KIF5B: variants seen among roughly 807,000 people sequenced by gnomAD.
The protein encoded by KIF5B is kinesin family member 5B.
Under a neutral mutation model 132.8 loss-of-function variants are expected in KIF5B, and 49 were observed. The observed-to-expected ratio is 0.37, with a 90% CI of 0.29 to 0.47. KIF5B has a LOEUF of 0.47. Ranked by LOEUF, KIF5B falls within the 20% of genes least tolerant of loss-of-function variation. The pLI is 1.00. For missense variants in KIF5B, 780 were observed against 1,144.0 expected, an observed-to-expected ratio of 0.68 and a Z score of 4.59; for synonymous variants, 355 against 369.4, an observed-to-expected ratio of 0.96 and a Z score of 0.45.
At chr10:32,033,520 T>A (rs2132600283) in intron 12 of KIF5B, among the ~76,000 whole-genome samples, 1 of 152,196 alleles carries the variant, frequency 6.6e-6, no homozygotes, top group African/African-American at 2.4e-5. Flanking sequence ...CAAAACCATC[T>A]CCCCGACCTG....
chr10:32,037,109 G>A (rs172431), intron 8 of KIF5B, 145 bp downstream of exon 8: 142,744 of 661,364 alleles, frequency 0.22, 16,938 homozygotes, highest in Middle Eastern at 0.29. Context: ...ATCATCATAA[G>A]GCACTGGCAT....
chr10:32,020,349 A>C (rs1841242142), intron 19 of KIF5B, among the ~76,000 whole-genome samples: 1 of 152,128 alleles, frequency 6.6e-6, no homozygotes, highest in South Asian at 2.1e-4. Flanking sequence ...GGAGGCAGGG[A>C]AATTGCTTCT....
intron 11 of KIF5B, 129 bp from the exon 12 acceptor site, chr10:32,034,167 G>A (rs1841435954): frequency 1.7e-5 from 10 of 585,296 alleles, no homozygotes; most frequent in South Asian, 7.2e-5. Flanking sequence ...CTGGAGTGCA[G>A]TGGTGCAATC....
In KIF5B at chr10:32,021,026, G is replaced by T; in HGVS notation, c.2200C>A (p.Gln734Lys). 6.4e-7 allele frequency: 1 copy of T among 1,550,476 alleles called. No homozygotes were observed. Among genetic ancestry groups the T allele is most frequent in the South Asian group, 1.1e-5 (1 of 89,756 alleles). Residue 734 changes from glutamine (Q) to lysine (K), a missense_variant, in exon 19 of 26, where the codon CAA (glutamine) becomes AAA (lysine). Around this residue, in one of 9 missense-constraint regions of KIF5B, gnomAD observed 471 missense variants for 569.9 expected, o/e 0.83. Transcript: ENST00000302418. Reference protein sequence around the residue: ...EAKAKLITDLQDQNQKMMLEQ... With the variant: ...EAKAKLITDLKDQNQKMMLEQ... Reference sequence around the variant, plus strand: ...CTAGAGAAGTATAATACTTACTCTTGAAGATCAGTAATAAGTTTTGCTTTT... The same window carrying T: ...CTAGAGAAGTATAATACTTACTCTTTAAGATCAGTAATAAGTTTTGCTTTT...
At chr10:32,051,322 G>T (rs1841691545) in intron 1 of KIF5B, among the ~76,000 whole-genome samples, 2 of 152,138 alleles carry the variant, frequency 1.3e-5, no homozygotes, top group Admixed American at 1.3e-4. Flanking sequence ...GCCTCCCAAA[G>T]TGCTGGGATT....
At chr10:32,042,233 G>C (rs211283) in intron 2 of KIF5B, among the ~76,000 whole-genome samples, 30,785 of 152,036 alleles carry the variant, frequency 0.2, 3,341 homozygotes, top group Non-Finnish European at 0.24. Flanking sequence ...GCACAACTAA[G>C]TGGATAACAG....
At chr10:32,022,298 G>T in intron 16 of KIF5B, 41 bp from the exon 17 acceptor site, 4 of 909,670 alleles carry the variant, frequency 4.4e-6, no homozygotes, top group Non-Finnish European at 7.2e-6. Flanking sequence ...GAAAACATAT[G>T]CATACACTTT....
chr10:32,056,100 G>A lies in KIF5B; in HGVS notation c.-127C>T. The stretch of plus-strand genomic sequence containing the variant: ...AGGCAGCAGTCAGCTGCGCCGCGCT[G>A]CGCTTCCCCGGGTGGAGGCGGCCGG... On this transcript the variant is annotated 5_prime_UTR_variant, in exon 1 of 26. Coordinates refer to ENST00000302418, the MANE Select transcript of KIF5B (RefSeq NM_004521.3). 1 of 1,229,290 alleles carries A rather than the reference G, an allele frequency of 8.1e-7. No individual in the cohort carries two copies. The highest frequency in any genetic ancestry group is 2.8e-5 in the Admixed American group (1 of 36,306). The allele number at this position is 1,229,290 out of a possible 1,614,324, so 76.1% of individuals were successfully genotyped here. A position where few individuals can be genotyped will look rare whatever the true frequency, so the allele number is the denominator to read the frequency against.
intron 20 of KIF5B, 95 bp downstream of exon 20, chr10:32,019,763 T>C: frequency 1.3e-6 from 1 of 772,394 alleles, no homozygotes; most frequent in Non-Finnish European, 2.1e-6. Flanking sequence ...CCATACAAAG[T>C]AAAATATGTA....
chr10:32,020,985 G>A (rs777858075), intron 19 of KIF5B, 37 bp downstream of exon 19: 10 of 1,155,946 alleles, frequency 8.7e-6, no homozygotes, highest in African/African-American at 7.6e-5. Flanking sequence ...ATCAGTAACC[G>A]ATTCTTTCCT....
intron 12 of KIF5B, among the ~76,000 whole-genome samples, chr10:32,033,227 T>C (rs972163282): frequency 6.6e-6 from 1 of 152,198 alleles, no homozygotes; most frequent in African/African-American, 2.4e-5. Flanking sequence ...TAACAATTGG[T>C]ATCATTGAGG....
intron 25 of KIF5B, 139 bp from the exon 26 acceptor site, chr10:32,011,655 C>T (rs1340698247): frequency 6.6e-6 from 1 of 152,092 alleles, no homozygotes; most frequent in Non-Finnish European, 1.5e-5. Flanking sequence ...TGGCTACTTT[C>T]CCCAAAATTA....
chr10:32,019,492 G>C (rs1353853550), intron 20 of KIF5B, among the ~76,000 whole-genome samples: 1 of 152,182 alleles, frequency 6.6e-6, no homozygotes, highest in Non-Finnish European at 1.5e-5. Flanking sequence ...TTATGCAAGA[G>C]AAAATTTAAC....
intron 5 of KIF5B, 97 bp from the exon 6 acceptor site, chr10:32,038,315 T>A: frequency 1.2e-6 from 1 of 800,790 alleles, no homozygotes. Flanking sequence ...CTAACAGCAA[T>A]AGTTGAACTC....
At position 32,022,862 on chromosome 10, in the gene KIF5B, G is replaced by A. The variant is rs759351320; in HGVS notation, c.1900C>T (p.Leu634Phe). 6.2e-7 allele frequency: 1 copy of A among 1,608,464 alleles called. No homozygotes were observed. Among genetic ancestry groups the A allele is most frequent in the Non-Finnish European group, 8.5e-7 (1 of 1,176,290 alleles). ...CTATAACATACTTGAGAGATACGAA[G>A]CTGACATGCTGCTAACTCCTTTTCA... is the stretch of plus-strand genomic sequence containing the variant. Reference protein sequence around the residue: ...ENEKELAACQLRISQHEAKIK... With the variant: ...ENEKELAACQFRISQHEAKIK... The change falls in exon 16 of 26, where the codon CTT (leucine) becomes TTT (phenylalanine). Residue 634 changes from leucine to phenylalanine, a missense_variant. Transcript: ENST00000302418.
At chr10:32,021,159 T>TA in intron 18 of KIF5B, 28 bp from the exon 19 acceptor site, 1 of 1,606,266 alleles carries the variant, frequency 6.2e-7, no homozygotes, top group Non-Finnish European at 8.5e-7. Flanking sequence ...AAAAGGATGT[T>TA]AAAGTCAGAC....
chr10:32,010,735 G>A lies in KIF5B; in HGVS notation c.*802C>T, dbSNP rs1273861359. On this transcript the variant is annotated 3_prime_UTR_variant, in exon 26 of 26. Coordinates refer to ENST00000302418, the MANE Select transcript of KIF5B (RefSeq NM_004521.3). The stretch of plus-strand genomic sequence containing the variant: ...TTTTAATTCCATCAAGACTTGTTGA[G>A]TACAGAATCAGGAAAAAGAGAAATA... 1.3e-5 allele frequency: 2 copies of A among 152,102 alleles called. No individual in the cohort carries two copies. Among genetic ancestry groups the A allele is most frequent in the Non-Finnish European group, 2.9e-5 (2 of 68,018 alleles). 9.4% of individuals were successfully genotyped at this position (152,102 alleles called of 1,614,324 possible).
At chr10:32,040,626 AACACACACAC>A (rs72393080) in intron 2 of KIF5B, among the ~76,000 whole-genome samples, 169 bp from the exon 3 acceptor site, 2,060 of 142,172 alleles carry the variant, frequency 0.014, 49 homozygotes, top group African/African-American at 0.051. Context: ...AACACCCTAA[AACACACACAC>A]ACACACACAC....
intron 25 of KIF5B, among the ~76,000 whole-genome samples, chr10:32,014,644 C>G (rs892300941): frequency 8.6e-5 from 13 of 152,006 alleles, no homozygotes; most frequent in African/African-American, 2.7e-4. Flanking sequence ...ACAGATATTA[C>G]TTATATAATT....
Sources: allele counts gnomAD v4.1 joint callset (sites outside exome capture counted in the v4.1 genomes callset), GRCh38; gene constraint gnomAD v4.1.1; regional missense constraint gnomAD v4.1.1; transcripts MANE v1.5; gene names NCBI Gene and HGNC (gene_info 2026-07-23, HGNC 2026-07-21).